TCF25: variants seen among roughly 807,000 people sequenced by gnomAD.
The protein encoded by TCF25 is TCF25 ribosome quality control complex subunit.
TCF25 carries 41 observed loss-of-function variants against 83.1 expected under a neutral mutation model. The ratio of observed to expected loss-of-function variants is 0.49; its 90% CI spans 0.38 to 0.64. TCF25 has a LOEUF of 0.64. Ranked by LOEUF, TCF25 falls within the 30% of genes least tolerant of loss-of-function variation. The pLI is 0.00. For missense variants in TCF25, 979 were observed against 914.5 expected (o/e 1.07, Z -0.91); for synonymous variants, 458 against 365.0 (o/e 1.25, Z -2.90).
rs1193815042 is a variant in TCF25, at chr16:89,875,513, G to GTTTTT, written c.192+1677_192+1681dup. Among the ~76,000 whole-genome samples, 7 of 66,010 alleles carry GTTTTT rather than the reference G, an allele frequency of 1.1e-4. 1 individual carries two copies. Among genetic ancestry groups the GTTTTT allele is most frequent in the Admixed American group, 2.0e-4 (1 of 4,916 alleles). The allele number at this position is 66,010 out of a possible 152,430, so 43.3% of individuals were successfully genotyped here. A position where few individuals can be genotyped will look rare whatever the true frequency, so the allele number is the denominator to read the frequency against. ...TTCACATAGATATTCCCTGACGTGA[G>GTTTTT]TTTTTTTTTTTTTTTTTTTTTTTTT... is the stretch of plus-strand genomic sequence containing the variant. On this transcript the variant is annotated intron_variant, in intron 1 of 17. Transcript: ENST00000263346.
intron 5 of TCF25, chr16:89,890,430 G>A (rs761530978): frequency 3.3e-5 from 5 of 152,204 alleles, no homozygotes; most frequent in Non-Finnish European, 7.3e-5. Context: ...ACTCGTAGTC[G>A]ACGGTAGTGG....
At chr16:89,894,938 C>A in intron 7 of TCF25, 100 bp from the exon 8 acceptor site, 1 of 1,057,638 alleles carries the variant, frequency 9.5e-7, no homozygotes, top group Non-Finnish European at 1.4e-6. Context: ...AGCCACTGCG[C>A]CCAGCCTCCG....
intron 15 of TCF25, 45 bp downstream of exon 15, chr16:89,906,329 C>T: frequency 6.3e-7 from 1 of 1,586,098 alleles, no homozygotes; most frequent in South Asian, 1.1e-5. Context: ...AAGCCGGTCA[C>T]ATGCACGTCC....
chr16:89,883,718 T>A, intron 2 of TCF25: 1 of 590,962 alleles, frequency 1.7e-6, no homozygotes, highest in East Asian at 3.0e-5. Flanking sequence ...CTCCTGCATC[T>A]CAGGAGAGTC....
chr16:89,894,744 A>C lies in TCF25; in HGVS notation c.829-294A>C, dbSNP rs1404260377. 3.9e-5 allele frequency among the ~76,000 whole-genome samples: 6 copies of C among 152,152 alleles called. 1 individual carries two copies. The highest frequency in any genetic ancestry group is 4.1e-4 in the South Asian group (2 of 4,822). Reference sequence around the variant, plus strand: ...ATTGGCGCAGTCTCGGCCCGGGTTCAAGCGATTCGCCTGCCTCAGCCTTCC... The same window carrying C: ...ATTGGCGCAGTCTCGGCCCGGGTTCCAGCGATTCGCCTGCCTCAGCCTTCC... On this transcript the variant is annotated intron_variant, in intron 7 of 17. Transcript: ENST00000263346.
chr16:89,893,977 A>G (rs1265689100), intron 7 of TCF25, 119 bp downstream of exon 7: 2 of 1,444,322 alleles, frequency 1.4e-6, no homozygotes, highest in Admixed American at 2.2e-5. Flanking sequence ...CCCAACAGGA[A>G]GGGTGCCAGT....
Position 89,883,334 on chromosome 16 carries a change from C to A in TCF25, c.193-17C>A. 1 of 1,611,756 alleles carries A rather than the reference C, an allele frequency of 6.2e-7. No homozygotes were observed. On this transcript the variant is annotated splice_polypyrimidine_tract_variant and intron_variant, in intron 1 of 17. Transcript: ENST00000263346. ...CTGTAAGTAACGCCCTGGCTCTTCT[C>A]CAACCTGTTTTTCCAGATAAACATT...
intron 7 of TCF25, 155 bp downstream of exon 7, chr16:89,894,013 AC>A: frequency 1.8e-6 from 2 of 1,114,550 alleles, no homozygotes; most frequent in Non-Finnish European, 2.5e-6. Flanking sequence ...TGGCCCTGTG[AC>A]CAGAAGGAGA....
intron 2 of TCF25, chr16:89,883,749 T>C (rs1047377679): frequency 8.0e-6 from 4 of 499,746 alleles, no homozygotes; most frequent in Non-Finnish European, 1.4e-5. Flanking sequence ...CAGCAGTGTA[T>C]GTAACCGCAC....
chr16:89,886,885 C>T (rs113024302), intron 4 of TCF25, among the ~76,000 whole-genome samples: 20 of 151,060 alleles, frequency 1.3e-4, no homozygotes, highest in South Asian at 6.3e-4. Flanking sequence ...TGCAGTGAGC[C>T]GAGATCGAGA....
chr16:89,878,611 A>T, intron 1 of TCF25: 1 of 1,140,686 alleles, frequency 8.8e-7, no homozygotes, highest in Non-Finnish European at 1.1e-6. Flanking sequence ...AAAACTAATG[A>T]AAATCACAGC....
chr16:89,892,580 T>G (rs1231792000), intron 6 of TCF25, among the ~76,000 whole-genome samples: 1 of 152,238 alleles, frequency 6.6e-6, no homozygotes, highest in African/African-American at 2.4e-5. Context: ...GCACAGTCTT[T>G]GTGTGACTGT....
chr16:89,884,437 A>C, intron 2 of TCF25, 145 bp from the exon 3 acceptor site: 2 of 727,090 alleles, frequency 2.8e-6, no homozygotes, highest in Non-Finnish European at 4.6e-6. Context: ...GCTGGAGAGA[A>C]GAGAGTGAGT....
chr16:89,893,695 G>C, intron 6 of TCF25, 33 bp from the exon 7 acceptor site: 1 of 1,612,882 alleles, frequency 6.2e-7, no homozygotes, highest in Non-Finnish European at 8.5e-7. Flanking sequence ...CCCTGCTCCC[G>C]GCACACCCTC....
chr16:89,891,680 T>A (rs972219288), intron 5 of TCF25, among the ~76,000 whole-genome samples: 2 of 152,166 alleles, frequency 1.3e-5, no homozygotes, highest in Admixed American at 1.3e-4. Context: ...TCAGAGATGG[T>A]TGGTTTCTTA....
At chr16:89,906,442 C>A in intron 15 of TCF25, 158 bp downstream of exon 15, 1 of 646,892 alleles carries the variant, frequency 1.5e-6, no homozygotes, top group Non-Finnish European at 2.7e-6. Context: ...AGGGCTCCTC[C>A]TTTCCTGGCA....
rs2043122423 is a variant in TCF25 at position 89,887,710 on chromosome 16, G to T, written c.607G>T (p.Glu203Ter). ...RYFGARAILG[E>*]QRPRQRQRVY... ...TTTTGGTGCCCGGGCAATCCTGGGG[G>T]AGCAAAGGTAAGGTCCACAGTGAGC... The change falls in exon 5 of 18, where the codon GAG (glutamate) becomes TAG (stop). Residue 203 changes from glutamate (E) to a stop codon, truncating the protein, a stop_gained. Transcript: ENST00000263346. LOFTEE classifies it high-confidence loss of function. 6.3e-7 allele frequency: 1 copy of T among 1,590,252 alleles called. No homozygotes were observed. Among genetic ancestry groups the T allele is most frequent in the Non-Finnish European group, 8.5e-7 (1 of 1,171,946 alleles).
chr16:89,903,030 G>A (rs932437811), intron 12 of TCF25, among the ~76,000 whole-genome samples: 12 of 152,174 alleles, frequency 7.9e-5, no homozygotes, highest in Admixed American at 2.0e-4. Flanking sequence ...TTCGTCCCCT[G>A]TGTCTAAGAA....
At chr16:89,885,736 A>G (rs1375767680) in intron 3 of TCF25, 112 bp from the exon 4 acceptor site, 3 of 868,602 alleles carry the variant, frequency 3.5e-6, no homozygotes, top group East Asian at 5.1e-5. Context: ...GCTGTCCTTT[A>G]GGAAGTAAAT....
Sources: allele counts gnomAD v4.1 joint callset (sites outside exome capture counted in the v4.1 genomes callset), GRCh38; gene constraint gnomAD v4.1.1; transcripts MANE v1.5; gene names NCBI Gene and HGNC (gene_info 2026-07-23, HGNC 2026-07-21).